FHL2: variants seen among roughly 807,000 people sequenced by gnomAD.
FHL2 encodes the protein four and a half LIM domains protein 2.
In FHL2, 20 loss-of-function variants were observed where a neutral mutation model predicts 32.7. The ratio of observed to expected loss-of-function variants is 0.61; its 90% CI spans 0.43 to 0.89. The LOEUF is 0.89. Ranked by LOEUF, FHL2 falls within the 40% of genes least tolerant of loss-of-function variation. The pLI is 0.00. For missense variants in FHL2, 311 were observed against 358.6 expected (o/e 0.87, Z 1.07); for synonymous variants, 123 against 128.1 (o/e 0.96, Z 0.27).
At chr2:105,422,929 C>T (rs1288493120) in intron 1 of FHL2, among the ~76,000 whole-genome samples, 1 of 152,196 alleles carries the variant, frequency 6.6e-6, no homozygotes, top group Non-Finnish European at 1.5e-5. Flanking sequence ...GTAAAGTCTT[C>T]CGTCAATAAT....
At chr2:105,363,182 A>T in intron 6 of FHL2, 103 bp downstream of exon 6, 1 of 1,065,050 alleles carries the variant, frequency 9.4e-7, no homozygotes, top group South Asian at 1.5e-5. Context: ...AGCCTTAGGG[A>T]GGTCTGGGGA....
chr2:105,372,682 A>T (rs904175051), intron 4 of FHL2, among the ~76,000 whole-genome samples: 6 of 152,102 alleles, frequency 3.9e-5, no homozygotes, highest in African/African-American at 1.4e-4. Context: ...TCAGCTACTT[A>T]GGAGGCTAAG....
chr2:105,417,250 C>T lies in FHL2; in HGVS notation c.-25+21149G>A, dbSNP rs1411870097. 2.0e-5 allele frequency among the ~76,000 whole-genome samples: 3 copies of T among 152,094 alleles called. 1 individual carries two copies. Among genetic ancestry groups the T allele is most frequent in the Admixed American group, 1.3e-4 (2 of 15,278 alleles). ...TACAAAAATTAGCTGGGCATGGTGG[C>T]ACGTGCCTGTAATCCCAGCTACTCG... On this transcript the variant is annotated intron_variant, in intron 1 of 5. Transcript: ENST00000393352.
At chr2:105,384,494 T>G (rs984424904) in intron 3 of FHL2, among the ~76,000 whole-genome samples, 5 of 152,166 alleles carry the variant, frequency 3.3e-5, no homozygotes, top group African/African-American at 7.2e-5. Flanking sequence ...AGCAGACCCC[T>G]GGTTCTCCCC....
intron 1 of FHL2, among the ~76,000 whole-genome samples, chr2:105,434,652 T>C (rs1042372145): frequency 2.6e-5 from 4 of 152,198 alleles, no homozygotes; most frequent in Non-Finnish European, 5.9e-5. Flanking sequence ...AACATGGTTA[T>C]AAGCTTCAGT....
intron 6 of FHL2, among the ~76,000 whole-genome samples, chr2:105,362,091 T>C (rs1346712592): frequency 2.0e-5 from 3 of 152,242 alleles, no homozygotes; most frequent in African/African-American, 7.2e-5. Context: ...CATTTAAAAG[T>C]GCTTTTATAT....
chr2:105,417,079 A>C (rs1208498996), intron 1 of FHL2, among the ~76,000 whole-genome samples: 2 of 152,212 alleles, frequency 1.3e-5, no homozygotes, highest in Non-Finnish European at 2.9e-5. Flanking sequence ...CATCACTCTG[A>C]ATACTAAAAA....
intron 3 of FHL2, chr2:105,377,874 T>C (rs1205195459): frequency 2.7e-6 from 1 of 365,392 alleles, no homozygotes; most frequent in Admixed American, 3.8e-5. Context: ...AGATAGTTGC[T>C]TTTTACATGG....
intron 1 of FHL2, among the ~76,000 whole-genome samples, chr2:105,429,988 G>A (rs897148147): frequency 2.0e-5 from 3 of 152,184 alleles, no homozygotes; most frequent in African/African-American, 7.2e-5. Context: ...ACGTGGTTCT[G>A]GGAAGTTAAA....
At chr2:105,367,361 A>T (rs570929580) in intron 5 of FHL2, among the ~76,000 whole-genome samples, 1 of 152,382 alleles carries the variant, frequency 6.6e-6, no homozygotes, top group East Asian at 1.9e-4. Flanking sequence ...CGATTTGATC[A>T]CAGAGCTCAA....
intron 3 of FHL2, 28 bp from the exon 4 acceptor site, chr2:105,373,761 C>A (rs1242844578): frequency 6.2e-7 from 1 of 1,612,424 alleles, no homozygotes; most frequent in East Asian, 2.2e-5. Flanking sequence ...ACAAGACAGT[C>A]AGAGGCAGGA....
At chr2:105,428,413 C>T (rs1046608122) in intron 1 of FHL2, among the ~76,000 whole-genome samples, 2 of 152,210 alleles carry the variant, frequency 1.3e-5, no homozygotes, top group Non-Finnish European at 2.9e-5. Flanking sequence ...CCAAATAATT[C>T]TCATGTCCTG....
intron 1 of FHL2, among the ~76,000 whole-genome samples, chr2:105,414,808 C>T (rs1036168946): frequency 1.3e-5 from 2 of 152,186 alleles, no homozygotes; most frequent in Non-Finnish European, 1.5e-5. Context: ...CCACCTTGGC[C>T]TCTCAAAGTG....
In FHL2 at chr2:105,361,424, G is replaced by T. The variant is rs770807726; in HGVS notation, c.699C>A (p.Gly233=). The T allele has an allele frequency of 5.6e-6, 9 of 1,613,800 alleles. No homozygotes were observed. The highest frequency in any genetic ancestry group is 7.6e-6 in the Non-Finnish European group (9 of 1,179,894). The stretch of plus-strand genomic sequence containing the variant: ...GTTCCTCAAAGGAGATGTATTTTGT[G>T]CCACCAAGTCCTGTTAACAGAGAGA... ...GCTNPISGLG[G]TKYISFEERQ... The change falls in exon 7 of 7, where the codon GGC becomes GGA. Residue 233 remains glycine (G), a synonymous_variant. Coordinates refer to ENST00000530340, the MANE Select transcript of FHL2 (RefSeq NM_001318895.3).
chr2:105,402,920 G>A (rs1175225818), upstream of FHL2, among the ~76,000 whole-genome samples: 2 of 152,206 alleles, frequency 1.3e-5, no homozygotes, highest in Admixed American at 6.5e-5. Flanking sequence ...TATAGAAAGC[G>A]TAATGCTGTC....
chr2:105,410,192 C>G (rs972184422), intron 1 of FHL2, among the ~76,000 whole-genome samples: 5 of 152,202 alleles, frequency 3.3e-5, no homozygotes, highest in Non-Finnish European at 7.4e-5. Flanking sequence ...ACAGCTTTGT[C>G]CCCCAAAAGG....
At chr2:105,367,119 C>A (rs941032659) in intron 5 of FHL2, among the ~76,000 whole-genome samples, 6 of 152,210 alleles carry the variant, frequency 3.9e-5, no homozygotes, top group Non-Finnish European at 2.9e-5. Context: ...TCCATGGAGG[C>A]AGACTTTTCT....
rs767512877 is a variant in FHL2 at position 105,386,588 on chromosome 2, AG to A, written c.-24-49del. ...CAAGTCCCATTAAGCACTCTCTGAA[AG>A]GGGTGCACGCAAAGGCATTAACTGT... On this transcript the variant is annotated intron_variant, in intron 2 of 6. Coordinates refer to ENST00000530340, the MANE Select transcript of FHL2 (RefSeq NM_001318895.3). 10 of 1,556,338 alleles carry A rather than the reference AG, an allele frequency of 6.4e-6. No homozygotes were observed. In the South Asian group the frequency reaches 6.8e-5, roughly 11 times the overall value.
At chr2:105,433,195 T>C (rs1175963466) in intron 1 of FHL2, among the ~76,000 whole-genome samples, 3 of 151,562 alleles carry the variant, frequency 2.0e-5, no homozygotes, top group African/African-American at 7.3e-5. Context: ...TTTTTTTTTT[T>C]TTTGAGAAGG....
Sources: allele counts gnomAD v4.1 joint callset (sites outside exome capture counted in the v4.1 genomes callset), GRCh38; gene constraint gnomAD v4.1.1; transcripts MANE v1.5; gene names NCBI Gene and HGNC (gene_info 2026-07-23, HGNC 2026-07-21).